The following CELF4 variants were observed in gnomAD, a reference collection of about 807,000 sequenced individuals.
CELF4 encodes the protein CUG-BP- and ETR-3-like factor 4.
A neutral mutation model predicts 59.9 loss-of-function variants in CELF4; 18 were observed. The observed-to-expected ratio is 0.30, with a 90% CI of 0.21 to 0.45. The LOEUF is 0.45. Ranked by LOEUF, CELF4 falls within the 20% of genes least tolerant of loss-of-function variation. CELF4 has a pLI of 1.00. For missense variants in CELF4, 456 were observed against 689.0 expected, an observed-to-expected ratio of 0.66 and a Z score of 3.79; for synonymous variants, 261 against 267.1, an observed-to-expected ratio of 0.98 and a Z score of 0.22.
chr18:37,296,930 T>A (rs2095680427), intron 3 of CELF4, among the ~76,000 whole-genome samples: 1 of 152,136 alleles, frequency 6.6e-6, no homozygotes, highest in South Asian at 2.1e-4. Flanking sequence ...ACTCCAGCCT[T>A]TTCCCACCCA....
intron 2 of CELF4, among the ~76,000 whole-genome samples, chr18:37,383,640 A>G (rs539672934): frequency 6.6e-6 from 1 of 151,572 alleles, no homozygotes; most frequent in Non-Finnish European, 1.5e-5. Flanking sequence ...TCTGTAAACC[A>G]CTCCTTTCTT....
At chr18:37,380,665 C>T (rs1603631966) in intron 2 of CELF4, among the ~76,000 whole-genome samples, 2 of 46,676 alleles carry the variant, frequency 4.3e-5, no homozygotes, top group Middle Eastern at 0.013. Flanking sequence ...ATCCATCCAT[C>T]CCCTGATTTA....
At chr18:37,506,712 T>C (rs1259296292) in intron 1 of CELF4, among the ~76,000 whole-genome samples, 1 of 152,028 alleles carries the variant, frequency 6.6e-6, no homozygotes, top group Non-Finnish European at 1.5e-5. Context: ...CCCAAAAGAC[T>C]CCCACTGCAC....
At chr18:37,389,618 T>C (rs2099135753) in intron 2 of CELF4, among the ~76,000 whole-genome samples, 1 of 151,804 alleles carries the variant, frequency 6.6e-6, no homozygotes, top group Admixed American at 6.6e-5. Context: ...GTGGGAAGCA[T>C]AGAAAACAGG....
chr18:37,297,809 G>T (rs2095749836), intron 3 of CELF4, among the ~76,000 whole-genome samples: 2 of 152,216 alleles, frequency 1.3e-5, no homozygotes, highest in African/African-American at 2.4e-5. Flanking sequence ...TCTGTGCCTG[G>T]CTTCTTTCGC....
At chr18:37,350,042 C>T (rs766826160) in intron 2 of CELF4, among the ~76,000 whole-genome samples, 21 of 152,054 alleles carry the variant, frequency 1.4e-4, no homozygotes, top group African/African-American at 2.4e-4. Flanking sequence ...AGGGAGGACC[C>T]GAAGCAGGCT....
intron 2 of CELF4, among the ~76,000 whole-genome samples, chr18:37,445,792 G>A (rs1304789010): frequency 6.6e-6 from 1 of 152,152 alleles, no homozygotes; most frequent in South Asian, 2.1e-4. Flanking sequence ...AAGAGGCAGA[G>A]AAGGCAGACA....
At chr18:37,441,059 CG>C (rs1018070775) in intron 2 of CELF4, among the ~76,000 whole-genome samples, 3 of 152,190 alleles carry the variant, frequency 2.0e-5, no homozygotes, top group African/African-American at 7.2e-5. Context: ...ATACCTAGAC[CG>C]TTCTTGCCTT....
intron 3 of CELF4, among the ~76,000 whole-genome samples, chr18:37,279,433 G>A (rs952808619): frequency 3.3e-5 from 5 of 152,196 alleles, no homozygotes; most frequent in Non-Finnish European, 5.9e-5. Context: ...CTGGGAGTTG[G>A]AAAGTGAGCA....
chr18:37,357,787 G>A (rs1464875604), intron 2 of CELF4, among the ~76,000 whole-genome samples: 1 of 152,214 alleles, frequency 6.6e-6, no homozygotes, highest in African/African-American at 2.4e-5. Context: ...GCATGACCTG[G>A]ATGTGAGACA....
In CELF4 at chr18:37,464,353, C is replaced by G. The variant is rs893826979; in HGVS notation, c.369+21172G>C. ...ACACACTGCCTTTCTATCTGGGAGG[C>G]CTTTCTGATGCCTCCAGCTCAGGGC... On this transcript the variant is annotated intron_variant, in intron 2 of 12. Transcript: ENST00000420428. 2.6e-5 allele frequency among the ~76,000 whole-genome samples: 4 copies of G among 152,142 alleles called. No homozygotes were observed. The South Asian group carries it at 6.2e-4, about 24-fold the overall frequency.
chr18:37,551,652 G>C (rs1259628903), intron 1 of CELF4, among the ~76,000 whole-genome samples: 3 of 152,152 alleles, frequency 2.0e-5, no homozygotes, highest in Admixed American at 1.3e-4. Context: ...GAGTCTGTGG[G>C]GACAATCTGA....
At chr18:37,423,064 G>GTGCACACACA (rs2099589071) in intron 2 of CELF4, among the ~76,000 whole-genome samples, 9 of 150,414 alleles carry the variant, frequency 6.0e-5, no homozygotes, top group Non-Finnish European at 8.9e-5. Context: ...GCGCGCGCGC[G>GTGCACACACA]CACACACACA....
At position 37,272,933 on chromosome 18, in the gene CELF4, G is replaced by C; in HGVS notation, c.949+83C>G. On this transcript the variant is annotated intron_variant, in intron 7 of 12. Coordinates refer to ENST00000420428, the MANE Select transcript of CELF4 (RefSeq NM_020180.4). The stretch of plus-strand genomic sequence containing the variant: ...ATGTGCTTTTGCCACAGAATGGTCC[G>C]CTGGTAGCTGAAATTAGGTCCCAGC... The C allele has an allele frequency of 2.9e-6, 4 of 1,376,254 alleles. No homozygotes were observed. In the East Asian group the frequency reaches 9.3e-5, roughly 32 times the overall value. 85.3% of individuals were successfully genotyped at this position (1,376,254 alleles called of 1,614,324 possible).
intron 2 of CELF4, among the ~76,000 whole-genome samples, chr18:37,367,997 G>A (rs144726192): frequency 2.6e-5 from 4 of 152,110 alleles, no homozygotes; most frequent in Admixed American, 1.3e-4. Context: ...GGCATGGTGC[G>A]GTGCAGCCCA....
At chr18:37,501,447 A>T (rs889310302) in intron 1 of CELF4, among the ~76,000 whole-genome samples, 4 of 152,194 alleles carry the variant, frequency 2.6e-5, no homozygotes, top group African/African-American at 9.7e-5. Context: ...CCATTCCATC[A>T]TTAAGTGTCT....
chr18:37,377,943 G>A (rs941324630), intron 2 of CELF4, among the ~76,000 whole-genome samples: 18 of 152,174 alleles, frequency 1.2e-4, no homozygotes, highest in Non-Finnish European at 1.6e-4. Flanking sequence ...GGCAACAGGA[G>A]AGAACCTCTA....
At chr18:37,257,711 C>A (rs1026465347) in intron 11 of CELF4, among the ~76,000 whole-genome samples, 5 of 152,156 alleles carry the variant, frequency 3.3e-5, no homozygotes, top group African/African-American at 9.7e-5. Context: ...GCAACTCAAC[C>A]TCCTACTCTC....
chr18:37,264,810 C>A, intron 9 of CELF4, 53 bp from the exon 10 acceptor site: 1 of 1,441,884 alleles, frequency 6.9e-7, no homozygotes. Context: ...AGAGTGGAAG[C>A]AGGAAGAAAG....
Sources: gnomAD v4.1 joint callset for allele counts (sites outside exome capture counted in the v4.1 genomes callset) on GRCh38, gnomAD v4.1.1 for gene constraint, MANE v1.5 for transcripts, NCBI Gene and HGNC (gene_info 2026-07-23, HGNC 2026-07-21) for gene names.